Variants in NRG1 observed in about 807,000 individuals in gnomAD.
NRG1 encodes pro-neuregulin-1, membrane-bound isoform.
A neutral mutation model predicts 63.8 loss-of-function variants in NRG1; 18 were observed. The ratio of observed to expected loss-of-function variants is 0.28; its 90% CI spans 0.19 to 0.42. NRG1 has a LOEUF of 0.42. Among genes scored for constraint, NRG1 ranks in the 10% least tolerant of loss-of-function variants. The pLI is 1.00. For synonymous variants in NRG1, 302 were observed against 301.3 expected, an observed-to-expected ratio of 1.00 and a Z score of -0.02; for missense variants, 762 against 814.7, an observed-to-expected ratio of 0.94 and a Z score of 0.79.
At chr8:31,828,874 C>T (rs1281800898) in intron 1 of NRG1, among the ~76,000 whole-genome samples, 2 of 152,186 alleles carry the variant, frequency 1.3e-5, no homozygotes, top group Non-Finnish European at 2.9e-5. Context: ...CAGTAGAATG[C>T]ATTTGTGTAC....
intron 1 of NRG1, among the ~76,000 whole-genome samples, chr8:32,054,442 G>A (rs1822506582): frequency 6.6e-6 from 1 of 152,208 alleles, no homozygotes; most frequent in Non-Finnish European, 1.5e-5. Flanking sequence ...GTAAGAATTA[G>A]TCAAGAGAAA....
intron 1 of NRG1, among the ~76,000 whole-genome samples, chr8:31,853,773 T>C (rs1225133700): frequency 2.6e-5 from 4 of 152,058 alleles, no homozygotes; most frequent in African/African-American, 9.7e-5. Flanking sequence ...CTTATTATTT[T>C]GAAATATGTC....
intron 1 of NRG1, among the ~76,000 whole-genome samples, chr8:32,357,716 TTATC>T (rs1806634756): frequency 6.6e-6 from 1 of 152,088 alleles, no homozygotes; most frequent in South Asian, 2.1e-4. Flanking sequence ...TTATGACAAT[TTATC>T]TATTCACTAA....
chr8:32,050,341 T>C (rs1049838137), intron 1 of NRG1, among the ~76,000 whole-genome samples: 1 of 152,184 alleles, frequency 6.6e-6, no homozygotes, highest in South Asian at 2.1e-4. Context: ...CAATGAGTTA[T>C]TGTTTTATTG....
Position 32,633,415 on chromosome 8 carries a change from C to T in NRG1, c.502+16530C>T, listed in dbSNP as rs373233180. Among the ~76,000 whole-genome samples the T allele has an allele frequency of 9.2e-5, 14 of 152,254 alleles. No homozygotes were observed. The South Asian group carries it at 1.0e-3, about 11-fold the overall frequency. On this transcript the variant is annotated intron_variant, in intron 5 of 11. Coordinates refer to ENST00000356819, the Ensembl canonical transcript of NRG1. ...TACCTCCAAAGGCCTCTTGCCTGGG[C>T]ATGATCCCTTCTGGAATTGAATTCT...
At position 31,728,325 on chromosome 8, in the gene NRG1, G is replaced by A. The variant is rs576367128; in HGVS notation, c.37+88894G>A. On this transcript the variant is annotated intron_variant, in intron 1 of 10. Transcript: ENST00000519301. Reference sequence around the variant, plus strand: ...CTAAAAATACAAAAATTGGCTGGGTGTGGTGGTGCAAACCTGTAGTCCCAG... The same window carrying A: ...CTAAAAATACAAAAATTGGCTGGGTATGGTGGTGCAAACCTGTAGTCCCAG... 5.9e-5 allele frequency among the ~76,000 whole-genome samples: 9 copies of A among 152,220 alleles called. No individual in the cohort carries two copies. In the East Asian group the frequency reaches 1.6e-3, roughly 26 times the overall value.
At chr8:31,726,186 TG>T (rs1340622295) in intron 1 of NRG1, among the ~76,000 whole-genome samples, 4 of 152,124 alleles carry the variant, frequency 2.6e-5, no homozygotes, top group Admixed American at 6.6e-5. Flanking sequence ...AAAGTATAGG[TG>T]ACGGCTTCAG....
intron 1 of NRG1, among the ~76,000 whole-genome samples, chr8:31,988,976 C>T (rs1439804383): frequency 6.6e-6 from 1 of 151,952 alleles, no homozygotes; most frequent in African/African-American, 2.4e-5. Flanking sequence ...TAGCTGGGCA[C>T]AGTGGCTCAT....
At chr8:32,184,383 T>G (rs1841756235) in intron 1 of NRG1, among the ~76,000 whole-genome samples, 2 of 152,138 alleles carry the variant, frequency 1.3e-5, no homozygotes, top group South Asian at 4.1e-4. Flanking sequence ...TATTTTGAAG[T>G]GTTAGTTTTG....
chr8:31,799,471 G>T (rs560005724), intron 1 of NRG1, among the ~76,000 whole-genome samples: 1 of 151,970 alleles, frequency 6.6e-6, no homozygotes, highest in Non-Finnish European at 1.5e-5. Context: ...TTCTTTTAGA[G>T]AATTTACTAC....
chr8:32,344,722 A>G (rs1176513516), intron 1 of NRG1, among the ~76,000 whole-genome samples: 1 of 149,742 alleles, frequency 6.7e-6, no homozygotes, highest in Non-Finnish European at 1.5e-5. Context: ...TGCTAGGATT[A>G]CAGGTGTGAG....
intron 1 of NRG1, among the ~76,000 whole-genome samples, chr8:32,073,461 T>A (rs947296834): frequency 2.0e-5 from 3 of 152,120 alleles, no homozygotes; most frequent in African/African-American, 7.2e-5. Flanking sequence ...AAAGCAGAAT[T>A]CCATCCAGCT....
intron 1 of NRG1, among the ~76,000 whole-genome samples, chr8:32,486,316 C>A (rs4631421): frequency 0.62 from 94,697 of 151,930 alleles, 29,745 homozygotes; most frequent in East Asian, 0.79. Context: ...AGATAGCTAA[C>A]AAATTCCAGG....
intron 1 of NRG1, among the ~76,000 whole-genome samples, chr8:31,903,747 G>T (rs1832296067): frequency 6.6e-6 from 1 of 152,006 alleles, no homozygotes. Context: ...TTGAGGTCAG[G>T]AGTTCAAGAC....
intron 1 of NRG1, among the ~76,000 whole-genome samples, chr8:31,766,813 G>C (rs1236390079): frequency 6.6e-5 from 10 of 151,954 alleles, no homozygotes; most frequent in African/African-American, 1.5e-4. Flanking sequence ...TTTAAAAAAG[G>C]CTACTGAGTA....
At chr8:31,853,218 C>T (rs970609890) in intron 1 of NRG1, among the ~76,000 whole-genome samples, 40 of 152,238 alleles carry the variant, frequency 2.6e-4, no homozygotes, top group African/African-American at 8.4e-4. Context: ...GTCATTTTCA[C>T]GATATTGATT....
chr8:31,671,038 A>G (rs1290841435), intron 1 of NRG1, among the ~76,000 whole-genome samples: 2 of 152,204 alleles, frequency 1.3e-5, no homozygotes, highest in Admixed American at 6.5e-5. Flanking sequence ...GCTCCCACTT[A>G]TAAGTGAGAA....
chr8:32,580,197 C>T (rs897535607), intron 1 of NRG1, among the ~76,000 whole-genome samples: 1 of 152,124 alleles, frequency 6.6e-6, no homozygotes, highest in Non-Finnish European at 1.5e-5. Context: ...CATAATTTCC[C>T]CATGTTAGTA....
chr8:32,008,406 ACTT>A (rs1814146316), intron 1 of NRG1, among the ~76,000 whole-genome samples: 1 of 152,014 alleles, frequency 6.6e-6, no homozygotes, highest in Non-Finnish European at 1.5e-5. Flanking sequence ...AAAAGAAAGC[ACTT>A]CTTCTTTGCC....
Sources: allele counts gnomAD v4.1 joint callset (sites outside exome capture counted in the v4.1 genomes callset), GRCh38; gene constraint gnomAD v4.1.1; transcripts MANE v1.5; gene names NCBI Gene and HGNC (gene_info 2026-07-23, HGNC 2026-07-21).